The following LYN variants were observed in gnomAD, a reference collection of about 807,000 sequenced individuals.
The protein encoded by LYN is LYN proto-oncogene, Src family tyrosine kinase, also known as tyrosine-protein kinase Lyn.
In LYN, 12 loss-of-function variants were observed where a neutral mutation model predicts 65.0. That is an observed-to-expected ratio of 0.18 (90% CI 0.12 to 0.30). The LOEUF is 0.30. LYN is among the 10% of genes least tolerant of loss of function. LYN has a pLI of 1.00. For missense variants in LYN, 380 were observed against 623.2 expected (o/e 0.61, Z 4.16); for synonymous variants, 222 against 221.2 (o/e 1.00, Z -0.03).
chr8:55,997,763 C>T (rs893839000), intron 10 of LYN, among the ~76,000 whole-genome samples: 2 of 152,196 alleles, frequency 1.3e-5, no homozygotes, highest in African/African-American at 4.8e-5. Flanking sequence ...TTAGCAGGGT[C>T]TTGAAAAGAT....
chr8:56,002,804 G>A (rs569355659), intron 12 of LYN, among the ~76,000 whole-genome samples: 6 of 152,094 alleles, frequency 3.9e-5, no homozygotes, highest in South Asian at 2.1e-4. Flanking sequence ...TCAGGAGATC[G>A]GGATCAGTAA....
chr8:55,923,101 C>T (rs954575370), intron 1 of LYN, among the ~76,000 whole-genome samples: 4 of 152,060 alleles, frequency 2.6e-5, no homozygotes, highest in Non-Finnish European at 4.4e-5. Flanking sequence ...GGGTTTGAGC[C>T]TCGGGTGACT....
At chr8:55,925,684 T>C (rs1806087842) in intron 1 of LYN, among the ~76,000 whole-genome samples, 1 of 152,192 alleles carries the variant, frequency 6.6e-6, no homozygotes, top group Non-Finnish European at 1.5e-5. Context: ...GGCATCAGAA[T>C]GGAACGGAAA....
intron 1 of LYN, among the ~76,000 whole-genome samples, chr8:55,913,703 G>A (rs1036849299): frequency 6.6e-6 from 1 of 152,244 alleles, no homozygotes; most frequent in Non-Finnish European, 1.5e-5. Context: ...CTTGAAATAA[G>A]CACAGACGTG....
chr8:55,904,394 G>A (rs973973200), intron 1 of LYN, among the ~76,000 whole-genome samples: 7 of 152,174 alleles, frequency 4.6e-5, no homozygotes, highest in African/African-American at 1.7e-4. Flanking sequence ...ACCAGCAAAT[G>A]TATTTACAAT....
At chr8:55,988,244 T>C (rs1808135987) in intron 10 of LYN, among the ~76,000 whole-genome samples, 1 of 151,846 alleles carries the variant, frequency 6.6e-6, no homozygotes, top group East Asian at 1.9e-4. Context: ...TGCTGTCATA[T>C]TTGCAGTACA....
chr8:55,937,901 T>C (rs1001866258), intron 1 of LYN, among the ~76,000 whole-genome samples: 1 of 152,166 alleles, frequency 6.6e-6, no homozygotes, highest in African/African-American at 2.4e-5. Context: ...TTCATCATGT[T>C]GGCCAGGCCA....
At chr8:55,944,701 G>A (rs1426129586) in intron 2 of LYN, among the ~76,000 whole-genome samples, 2 of 152,144 alleles carry the variant, frequency 1.3e-5, no homozygotes, top group Non-Finnish European at 2.9e-5. Flanking sequence ...GGCTTGTCTT[G>A]AACTCCTTAC....
At chr8:55,964,290 C>T (rs2130518971) in intron 8 of LYN, among the ~76,000 whole-genome samples, 1 of 152,098 alleles carries the variant, frequency 6.6e-6, no homozygotes, top group South Asian at 2.1e-4. Flanking sequence ...TCTTGAACTC[C>T]TGGGCTCAAG....
chr8:55,915,716 T>C (rs1267342894), intron 1 of LYN, among the ~76,000 whole-genome samples: 6 of 149,780 alleles, frequency 4.0e-5, no homozygotes, highest in African/African-American at 4.9e-5. Flanking sequence ...CAAAAAATAA[T>C]AAAAAATTAA....
chr8:56,001,462 A>G (rs1334466035), intron 12 of LYN, among the ~76,000 whole-genome samples: 1 of 152,100 alleles, frequency 6.6e-6, no homozygotes, highest in Non-Finnish European at 1.5e-5. Flanking sequence ...CTACTGTTTC[A>G]TGTGGGGATG....
chr8:55,950,816 A>C (rs1436930130), intron 6 of LYN, 32 bp downstream of exon 6: 1 of 1,424,482 alleles, frequency 7.0e-7, no homozygotes, highest in African/African-American at 1.4e-5. Flanking sequence ...CTTTTAAAAC[A>C]CTATTTAGGA....
intron 1 of LYN, among the ~76,000 whole-genome samples, chr8:55,939,039 C>T (rs1486223717): frequency 2.6e-5 from 4 of 152,204 alleles, no homozygotes; most frequent in Admixed American, 2.6e-4. Flanking sequence ...AAGTGTAGCT[C>T]ATATCACTTG....
rs112431000 is a variant in LYN, at chr8:55,939,590, G to C, written c.-5-2265G>C. Among the ~76,000 whole-genome samples the C allele has an allele frequency of 3.0e-3, 450 of 152,276 alleles. 3 individuals are homozygous for C. The highest frequency in any genetic ancestry group is 0.01 in the African/African-American group (428 of 41,556). On this transcript the variant is annotated intron_variant, in intron 1 of 12. Transcript: ENST00000519728. Reference sequence around the variant, plus strand: ...TTGTGGCACAGCTCAGTCAGGGCTCGGTCCGTGCTGGGAGGGAGCTGGATC... The same window carrying C: ...TTGTGGCACAGCTCAGTCAGGGCTCCGTCCGTGCTGGGAGGGAGCTGGATC...
intron 12 of LYN, among the ~76,000 whole-genome samples, chr8:56,007,799 T>C (rs1195725775): frequency 1.3e-5 from 2 of 152,180 alleles, no homozygotes; most frequent in Non-Finnish European, 2.9e-5. Context: ...CTTTTCTGTT[T>C]TATTCTGTTA....
Position 55,999,624 on chromosome 8 carries a change from G to A in LYN, c.1336+75G>A. 2.1e-6 allele frequency: 3 copies of A among 1,403,128 alleles called. No individual in the cohort carries two copies. The South Asian group carries it at 3.5e-5, about 16-fold the overall frequency. The allele number at this position is 1,403,128 out of a possible 1,614,324, so 86.9% of individuals were successfully genotyped here. ...TCAGGTTGCATGAAGGCATTAAAAA[G>A]TAATAATTACTTCATCTACCCGATA... On this transcript the variant is annotated intron_variant, in intron 12 of 12. Coordinates refer to ENST00000519728, the MANE Select transcript of LYN (RefSeq NM_002350.4).
At chr8:55,919,662 C>T (rs1205619538) in intron 1 of LYN, among the ~76,000 whole-genome samples, 1 of 152,192 alleles carries the variant, frequency 6.6e-6, no homozygotes, top group Non-Finnish European at 1.5e-5. Flanking sequence ...ACTTCCTCCT[C>T]CTGGGGCTGC....
At chr8:55,982,717 C>T (rs16920168) in intron 10 of LYN, among the ~76,000 whole-genome samples, 2,247 of 152,306 alleles carry the variant, frequency 0.015, 137 homozygotes, top group East Asian at 0.11. Flanking sequence ...CCTTCAAATG[C>T]TGGCTTCTCT....
At position 56,010,736 on chromosome 8, in the gene LYN, T is replaced by A. The variant is rs2130605982; in HGVS notation, c.*626T>A. The A allele has an allele frequency of 4.4e-6, 1 of 226,688 alleles. No homozygotes were observed. Among genetic ancestry groups the A allele is most frequent in the African/African-American group, 2.2e-5 (1 of 44,612 alleles). 14.0% of individuals were successfully genotyped at this position (226,688 alleles called of 1,614,324 possible). A position where few individuals can be genotyped will look rare whatever the true frequency, so the allele number is the denominator to read the frequency against. On this transcript the variant is annotated 3_prime_UTR_variant, in exon 13 of 13. Coordinates refer to ENST00000519728, the MANE Select transcript of LYN (RefSeq NM_002350.4). ...GAACACTGCTCAGACCTGCTAGACA[T>A]GCCATAGGAGTGGCGTGCACATCTC...
Sources: allele counts gnomAD v4.1 joint callset (sites outside exome capture counted in the v4.1 genomes callset), GRCh38; gene constraint gnomAD v4.1.1; transcripts MANE v1.5; gene names NCBI Gene and HGNC (gene_info 2026-07-23, HGNC 2026-07-21).